The following CENPP variants were observed in gnomAD, a reference collection of about 807,000 sequenced individuals.
CENPP encodes centromere protein P.
In CENPP, 24 loss-of-function variants were observed where a neutral mutation model predicts 35.6. That is an observed-to-expected ratio of 0.67 (90% confidence interval 0.49 to 0.95). CENPP has a LOEUF of 0.95. Among genes scored for constraint, CENPP ranks in the 40% least tolerant of loss-of-function variants. CENPP has a pLI of 0.00. For missense variants in CENPP, 332 were observed against 345.3 expected, an observed-to-expected ratio of 0.96 and a Z score of 0.31; for synonymous variants, 120 against 125.5, an observed-to-expected ratio of 0.96 and a Z score of 0.29.
chr9:92,592,600 C>T (rs930817004), intron 5 of CENPP, among the ~76,000 whole-genome samples: 11 of 152,190 alleles, frequency 7.2e-5, no homozygotes, highest in Admixed American at 7.2e-4. Flanking sequence ...GCACCATGAG[C>T]ATTGGGAACA....
chr9:92,600,459 G>A, intron 5 of CENPP: 1 of 1,612,868 alleles, frequency 6.2e-7, no homozygotes, highest in East Asian at 2.2e-5. Flanking sequence ...TTGGGTCAAG[G>A]GAGGATGGAG....
chr9:92,570,269 T>C (rs973779734), intron 5 of CENPP, among the ~76,000 whole-genome samples: 1 of 152,208 alleles, frequency 6.6e-6, no homozygotes, highest in Non-Finnish European at 1.5e-5. Context: ...CCTAGTCTAT[T>C]GAGAGTTTTT....
intron 5 of CENPP, among the ~76,000 whole-genome samples, chr9:92,541,434 C>A (rs1465469525): frequency 1.4e-5 from 2 of 141,054 alleles, no homozygotes; most frequent in African/African-American, 2.6e-5. Context: ...CCCGCCCACA[C>A]CCCCACACCC....
At position 92,570,592 on chromosome 9, in the gene CENPP, T is replaced by G. The variant is rs192370692; in HGVS notation, c.565-40722T>G. On this transcript the variant is annotated intron_variant, in intron 5 of 7. Coordinates refer to ENST00000375587, the MANE Select transcript of CENPP (RefSeq NM_001012267.3). ...TGGTATCAGGATGATGCTGGCCTAATAAAATGAGTTAGGGAGGATTCCCTG... is the reference window on the plus strand; with the variant it reads ...TGGTATCAGGATGATGCTGGCCTAAGAAAATGAGTTAGGGAGGATTCCCTG... 3.0e-3 allele frequency among the ~76,000 whole-genome samples: 453 copies of G among 152,320 alleles called. 2 individuals carry two copies. The highest frequency in any genetic ancestry group is 4.6e-3 in the Non-Finnish European group (311 of 68,020).
chr9:92,549,417 C>T (rs746282031), intron 5 of CENPP, among the ~76,000 whole-genome samples: 16 of 152,092 alleles, frequency 1.1e-4, no homozygotes, highest in Non-Finnish European at 2.1e-4. Context: ...GAGGCCGAGA[C>T]GGGTGGATCA....
intron 5 of CENPP, among the ~76,000 whole-genome samples, chr9:92,548,314 A>T (rs937449056): frequency 6.6e-6 from 1 of 152,214 alleles, no homozygotes; most frequent in African/African-American, 2.4e-5. Context: ...CAGTAAATTA[A>T]TGTGAAAATT....
intron 5 of CENPP, chr9:92,404,763 C>G (rs770685642): frequency 2.8e-5 from 17 of 602,286 alleles, no homozygotes; most frequent in Non-Finnish European, 3.8e-5. Context: ...TCTGCTTCAA[C>G]TAATTTGACT....
chr9:92,387,140 A>G (rs989101320), intron 5 of CENPP, among the ~76,000 whole-genome samples: 2 of 151,724 alleles, frequency 1.3e-5, no homozygotes, highest in African/African-American at 4.8e-5. Flanking sequence ...TGAGAGGTCA[A>G]TGTGGGTGGA....
chr9:92,358,890 T>G (rs1841661527), intron 4 of CENPP, among the ~76,000 whole-genome samples: 1 of 151,884 alleles, frequency 6.6e-6, no homozygotes, highest in South Asian at 2.1e-4. Context: ...ATGCTGTCTA[T>G]TCATTTATTT....
chr9:92,418,615 T>G (rs1843691437), intron 5 of CENPP, among the ~76,000 whole-genome samples: 1 of 152,174 alleles, frequency 6.6e-6, no homozygotes, highest in Non-Finnish European at 1.5e-5. Context: ...GGTCACTGCC[T>G]GGGGGAGGAA....
At chr9:92,540,451 A>G (rs565462698) in intron 5 of CENPP, among the ~76,000 whole-genome samples, 28 of 149,418 alleles carry the variant, frequency 1.9e-4, no homozygotes, top group African/African-American at 7.0e-4. Context: ...AAAAAAAAAA[A>G]TGAGATCACA....
chr9:92,550,947 C>T (rs1191930283), intron 5 of CENPP, among the ~76,000 whole-genome samples: 1 of 152,184 alleles, frequency 6.6e-6, no homozygotes, highest in African/African-American at 2.4e-5. Flanking sequence ...TCCATATGAG[C>T]AGCTACCCTC....
chr9:92,334,172 G>A (rs1263081443), intron 2 of CENPP, among the ~76,000 whole-genome samples: 2 of 149,528 alleles, frequency 1.3e-5, no homozygotes, highest in African/African-American at 5.0e-5. Context: ...CCAGGCTGGA[G>A]TGCAGTGGTA....
intron 2 of CENPP, among the ~76,000 whole-genome samples, chr9:92,336,217 A>T (rs2130785976): frequency 6.6e-6 from 1 of 152,310 alleles, no homozygotes; most frequent in Non-Finnish European, 1.5e-5. Context: ...TTTGGCAGGA[A>T]AACTATGAAA....
In CENPP at chr9:92,500,981, C is replaced by G. The variant is rs1189016226; in HGVS notation, c.565-110333C>G. 1.9e-6 allele frequency: 3 copies of G among 1,614,124 alleles called. No individual in the cohort carries two copies. In the African/African-American group the frequency reaches 4.0e-5, roughly 22 times the overall value. Reference sequence around the variant, plus strand: ...TCTGGTTCCCAAGGAGTACTAGGTGCAGCAAGGACTTGGGTAGATAGGACG... The same window carrying G: ...TCTGGTTCCCAAGGAGTACTAGGTGGAGCAAGGACTTGGGTAGATAGGACG... On this transcript the variant is annotated intron_variant, in intron 5 of 7. Coordinates refer to ENST00000375587, the MANE Select transcript of CENPP (RefSeq NM_001012267.3).
In CENPP at chr9:92,394,443, AG is replaced by A. The variant is rs144487235; in HGVS notation, c.564+14586del. ...TTTTTTTGAATTTTTAGTATAGACAAGGTTTCACCATGTTGGCCAGGCTGGT... is the reference window on the plus strand; with the variant it reads ...TTTTTTTGAATTTTTAGTATAGACAAGTTTCACCATGTTGGCCAGGCTGGT... On this transcript the variant is annotated intron_variant, in intron 5 of 7. Transcript: ENST00000375587. 6.3e-4 allele frequency among the ~76,000 whole-genome samples: 94 copies of A among 150,248 alleles called. No individual in the cohort carries two copies. In the East Asian group the frequency reaches 0.017, roughly 28 times the overall value.
rs528851094 is a variant in CENPP, at chr9:92,616,266, T to C, written c.*3117T>C. The C allele has an allele frequency of 1.9e-6, 1 of 520,730 alleles. No homozygotes were observed. The highest frequency in any genetic ancestry group is 1.9e-5 in the African/African-American group (1 of 52,248). The allele number at this position is 520,730 out of a possible 1,614,324, so 32.3% of individuals were successfully genotyped here. A position where few individuals can be genotyped will look rare whatever the true frequency, so the allele number is the denominator to read the frequency against. On this transcript the variant is annotated 3_prime_UTR_variant, in exon 8 of 8. Transcript: ENST00000375587. ...GAGCACTCGTTCTGTGCACCTGTGA[T>C]CTGTGCGTGTGACAGCTGTCTGTGC...
In CENPP at chr9:92,615,767, G is replaced by C. The variant is rs780236906; in HGVS notation, c.*2618G>C. 3.7e-6 allele frequency: 5 copies of C among 1,358,984 alleles called. No individual in the cohort carries two copies. The highest frequency in any genetic ancestry group is 1.7e-5 in the Admixed American group (1 of 57,980). The allele number at this position is 1,358,984 out of a possible 1,614,324, so 84.2% of individuals were successfully genotyped here. A position where few individuals can be genotyped will look rare whatever the true frequency, so the allele number is the denominator to read the frequency against. On this transcript the variant is annotated 3_prime_UTR_variant, in exon 8 of 8. Transcript: ENST00000375587. ...CAACCAAAGGTCACCCAACACAACA[G>C]AAAATATCTCTATCATTCAGCCTTC...
intron 5 of CENPP, among the ~76,000 whole-genome samples, chr9:92,520,634 G>T (rs1464833065): frequency 3.3e-5 from 5 of 152,110 alleles, no homozygotes; most frequent in African/African-American, 1.2e-4. Flanking sequence ...TTGAAAATAG[G>T]TGTTGAAAGA....
Sources: allele counts gnomAD v4.1 joint callset (sites outside exome capture counted in the v4.1 genomes callset), GRCh38; gene constraint gnomAD v4.1.1; transcripts MANE v1.5; gene names NCBI Gene and HGNC (gene_info 2026-07-23, HGNC 2026-07-21).